The following PRELID2 variants were observed in gnomAD, a reference collection of about 807,000 sequenced individuals.
PRELID2 encodes PRELI domain containing 2, also known as PRELI domain-containing protein 2.
In PRELID2, 25 loss-of-function variants were observed where a neutral mutation model predicts 28.4. The ratio of observed to expected loss-of-function variants is 0.88; its 90% CI spans 0.64 to 1.23. The LOEUF is 1.23. Among genes scored for constraint, PRELID2 ranks in the 50% most tolerant of loss-of-function variants. The probability of loss-of-function intolerance (pLI) is 0.00; values close to 1 mark genes in which losing one functional copy is unlikely to be tolerated. For missense variants in PRELID2, 201 were observed against 214.4 expected (o/e 0.94, Z 0.39); for synonymous variants, 76 against 71.6 (o/e 1.06, Z -0.31).
chr5:145,646,310 C>T (rs562239894), intron 1 of PRELID2, among the ~76,000 whole-genome samples: 1 of 152,224 alleles, frequency 6.6e-6, no homozygotes, highest in African/African-American at 2.4e-5. Flanking sequence ...ATCCTTTCTT[C>T]CTCTTGATCT....
At chr5:145,499,660 T>C (rs960498293) in intron 1 of PRELID2, among the ~76,000 whole-genome samples, 16 of 152,288 alleles carry the variant, frequency 1.1e-4, no homozygotes, top group African/African-American at 3.8e-4. Context: ...CTGTGGTTAC[T>C]CTGCCCAGCG....
intron 1 of PRELID2, among the ~76,000 whole-genome samples, chr5:145,653,200 C>A (rs551329981): frequency 2.6e-4 from 39 of 152,290 alleles, no homozygotes; most frequent in Middle Eastern, 6.8e-3. Context: ...GAAGAGCTAA[C>A]TATCCTAAAT....
At chr5:145,365,154 C>T in the PRELID2 span, among the ~76,000 whole-genome samples, 33 of 151,744 alleles carry the variant, frequency 2.2e-4, 1 homozygote, top group South Asian at 6.0e-3. Context: ...TCAAAGGGTA[C>T]GAAATTTCAG....
At chr5:145,376,680 A>T in the PRELID2 span, among the ~76,000 whole-genome samples, 1 of 152,164 alleles carries the variant, frequency 6.6e-6, no homozygotes, top group African/African-American at 2.4e-5. Context: ...TTATGTGCAT[A>T]GATGTTCATA....
chr5:145,549,232 A>T (rs1561504086), intron 1 of PRELID2, among the ~76,000 whole-genome samples: 1 of 152,188 alleles, frequency 6.6e-6, no homozygotes, highest in Non-Finnish European at 1.5e-5. Context: ...TCATTATGAC[A>T]GGAGAGATCA....
intron 1 of PRELID2, among the ~76,000 whole-genome samples, chr5:145,578,126 A>T (rs192248926): frequency 3.3e-4 from 51 of 152,242 alleles, no homozygotes; most frequent in South Asian, 6.2e-4. Flanking sequence ...ATTTGACCTT[A>T]CTACCACTAG....
chr5:145,255,309 T>G, the PRELID2 span, among the ~76,000 whole-genome samples: 9 of 150,812 alleles, frequency 6.0e-5, no homozygotes, highest in Non-Finnish European at 8.9e-5. Flanking sequence ...ACAAATCCAG[T>G]GGAAAAAAAA....
At chr5:145,743,543 G>A (rs1756899435) in intron 1 of PRELID2, among the ~76,000 whole-genome samples, 1 of 152,090 alleles carries the variant, frequency 6.6e-6, no homozygotes, top group Admixed American at 6.5e-5. Flanking sequence ...AGGATCCATG[G>A]AGAGCAAGGA....
chr5:145,495,031 CT>C (rs1255475208), intron 1 of PRELID2, among the ~76,000 whole-genome samples: 1 of 152,152 alleles, frequency 6.6e-6, no homozygotes, highest in African/African-American at 2.4e-5. Flanking sequence ...ATGAAGGTAG[CT>C]ATCAAATCAT....
chr5:145,539,545 C>A (rs1278591167), intron 1 of PRELID2, among the ~76,000 whole-genome samples: 3 of 151,910 alleles, frequency 2.0e-5, no homozygotes, highest in African/African-American at 7.2e-5. Flanking sequence ...CCTTCTCTAC[C>A]TCTTTCTCCT....
the PRELID2 span, among the ~76,000 whole-genome samples, chr5:145,409,453 CA>C: frequency 1.3e-5 from 2 of 152,106 alleles, no homozygotes; most frequent in Non-Finnish European, 2.9e-5. Context: ...CTCCACCAAC[CA>C]AGTATCTGCT....
the PRELID2 span, among the ~76,000 whole-genome samples, chr5:145,287,787 T>C: frequency 1.3e-5 from 2 of 152,330 alleles, no homozygotes; most frequent in African/African-American, 4.8e-5. Flanking sequence ...TACCTGATGT[T>C]CTTTTTCTGT....
the PRELID2 span, among the ~76,000 whole-genome samples, chr5:145,450,098 A>G: frequency 1.3e-5 from 2 of 152,328 alleles, no homozygotes; most frequent in Admixed American, 1.3e-4. Context: ...CGCCTGAGCA[A>G]AAGAACATGG....
chr5:145,561,081 C>T (rs1752921736), intron 1 of PRELID2, among the ~76,000 whole-genome samples: 1 of 151,776 alleles, frequency 6.6e-6, no homozygotes, highest in African/African-American at 2.4e-5. Context: ...ACTGAAACTG[C>T]ATGCCACAAA....
At position 145,784,079 on chromosome 5, in the gene PRELID2, C is replaced by T. The variant is rs1005524389; in HGVS notation, c.474+12363G>A. ...GGCAGATCACTTGAGGCCACAGGTC[C>T]GATACCAGCCTGGCCAACATGGCAA... On this transcript the variant is annotated intron_variant, in intron 5 of 6. Transcript: ENST00000683046. Among the ~76,000 whole-genome samples the T allele has an allele frequency of 1.2e-4, 18 of 151,862 alleles. No homozygotes were observed. The East Asian group carries it at 2.5e-3, about 21-fold the overall frequency.
intron 1 of PRELID2, among the ~76,000 whole-genome samples, chr5:145,713,158 A>C (rs1755741038): frequency 6.6e-6 from 1 of 151,656 alleles, no homozygotes; most frequent in East Asian, 1.9e-4. Flanking sequence ...AAAATTAATG[A>C]CAAATCAACT....
the PRELID2 span, among the ~76,000 whole-genome samples, chr5:145,318,293 A>G: frequency 1.3e-5 from 2 of 149,270 alleles, no homozygotes; most frequent in Non-Finnish European, 2.9e-5. Flanking sequence ...ATTGTTGTCT[A>G]TGTCAGCCAC....
At chr5:145,619,212 G>A (rs988386323) in intron 1 of PRELID2, among the ~76,000 whole-genome samples, 1 of 152,160 alleles carries the variant, frequency 6.6e-6, no homozygotes, top group African/African-American at 2.4e-5. Context: ...TTTCTCCACT[G>A]GTTCAAAGTT....
At chr5:145,468,603 C>T (rs1054797676), downstream of PRELID2, among the ~76,000 whole-genome samples, 6 of 152,180 alleles carry the variant, frequency 3.9e-5, no homozygotes, top group Middle Eastern at 3.4e-3. Context: ...TTTTAATGAT[C>T]GCCATTCTAA....
Sources: allele counts gnomAD v4.1 joint callset (sites outside exome capture counted in the v4.1 genomes callset), GRCh38; gene constraint gnomAD v4.1.1; transcripts MANE v1.5; gene names NCBI Gene and HGNC (gene_info 2026-07-23, HGNC 2026-07-21).